The following VWA7 variants were observed in gnomAD, a reference collection of about 807,000 sequenced individuals.
VWA7 encodes von Willebrand factor A domain-containing protein 7.
In VWA7, 66 loss-of-function variants were observed where a neutral mutation model predicts 83.1. The ratio of observed to expected loss-of-function variants is 0.79; its 90% CI spans 0.65 to 0.98. VWA7 has a LOEUF of 0.98. Among genes scored for constraint, VWA7 ranks in the 50% least tolerant of loss-of-function variants. The pLI, the probability that VWA7 is intolerant of heterozygous loss-of-function variation, is 0.00. For synonymous variants in VWA7, 424 were observed against 488.5 expected (o/e 0.87, Z 1.74); for missense variants, 1,080 against 1,160.2 (o/e 0.93, Z 1.00).
chr6:31,776,567 A>AG lies in VWA7; in HGVS notation c.212dup (p.Leu72SerfsTer4). On this transcript the variant is annotated frameshift_variant, in exon 2 of 17. Coordinates refer to ENST00000375688, the MANE Select transcript of VWA7 (RefSeq NM_025258.3). LOFTEE classifies it high-confidence loss of function. The surrounding 1 kb of genome is among the most constrained non-coding windows in gnomAD (Gnocchi z 6.2). The stretch of plus-strand genomic sequence containing the variant: ...TCACCAGGAAGTCCTCAAGACGAAG[A>AG]GGGGGGCGGCCTGGGGGTGGCTGCT... The AG allele has an allele frequency of 1.9e-6, 3 of 1,547,612 alleles. No individual in the cohort carries two copies. The highest frequency in any genetic ancestry group is 1.7e-6 in the Non-Finnish European group (2 of 1,145,660).
chr6:31,776,745 C>A lies in VWA7; in HGVS notation c.35G>T (p.Gly12Val), dbSNP rs1184700767. 1 of 1,458,020 alleles carries A rather than the reference C, an allele frequency of 6.9e-7. No homozygotes were observed. The highest frequency in any genetic ancestry group is 1.4e-5 in the African/African-American group (1 of 69,878). 90.3% of individuals were successfully genotyped at this position (1,458,020 alleles called of 1,614,324 possible). The change falls in exon 2 of 17, where the codon GGC becomes GTC. Residue 12 changes from glycine (G) to valine (V), a missense_variant. Gly to Val is a moderately radical substitution (Grantham distance 109). Transcript: ENST00000375688. The surrounding 1 kb of genome is among the most constrained non-coding windows in gnomAD (Gnocchi z 6.2). The part of the protein sequence containing the change: ...LPTEVPQSHP[G>V]PSALLLLQLL... ...CTGCAGCAGAAGCAACGCTGAGGGG[C>A]CCGGGTGGGATTGGGGGACCTCCGT...
chr6:31,765,767 G>A lies in VWA7; in HGVS notation c.2503C>T (p.Arg835Trp), dbSNP rs28399997. 6.6e-3 allele frequency: 10,428 copies of A among 1,584,434 alleles called. 483 individuals carry two copies. The South Asian group carries it at 0.085, about 13-fold the overall frequency. The change falls in exon 17 of 17, where the codon CGG (arginine) becomes TGG (tryptophan). Residue 835 changes from arginine to tryptophan, a missense_variant. By Grantham distance (101) the Arg-to-Trp change is moderately radical (BLOSUM62 -3). Transcript: ENST00000375688. ...GATGAGCCGGTAGGGGTGGTGTGCC[G>A]GTCCTGTGGGGAAAAGGAAGAGAAT... ...LLVSAPAPQD[R>W]HTTPTGSSDP...
rs1304860985 is a variant in VWA7, at chr6:31,774,526, C to A, written c.711G>T (p.Pro237=). 3.1e-6 allele frequency: 5 copies of A among 1,612,676 alleles called. No individual in the cohort carries two copies. The highest frequency in any genetic ancestry group is 4.2e-6 in the Non-Finnish European group (5 of 1,179,892). ...LTSGYFGTHP[P]KPPGKCSHGG... Reference sequence around the variant, plus strand: ...TTTCTTGTCTGGTACCTGGAGGTTTCGGGGGATGAGTTCCAAAGTAGCCAG... The same window carrying A: ...TTTCTTGTCTGGTACCTGGAGGTTTAGGGGGATGAGTTCCAAAGTAGCCAG... Residue 237 remains proline, a synonymous_variant, in exon 5 of 17, where the codon CCG becomes CCT. Transcript: ENST00000375688.
At position 31,769,227 on chromosome 6, in the gene VWA7, G is replaced by A. The variant is rs754996658; in HGVS notation, c.1318-24C>T. On this transcript the variant is annotated intron_variant, in intron 9 of 16. Coordinates refer to ENST00000375688, the MANE Select transcript of VWA7 (RefSeq NM_025258.3). This position sits in a 1 kb window ranked among gnomAD's most constrained non-coding sequence, Gnocchi z 4.5. ...ACCTGTACCCAGAAGAGAGCTCAGT[G>A]ATTGGGGTGTCCAAGTGCCATCCAC... 5 of 1,603,404 alleles carry A rather than the reference G, an allele frequency of 3.1e-6. No homozygotes were observed. Among genetic ancestry groups the A allele is most frequent in the Non-Finnish European group, 4.3e-6 (5 of 1,174,936 alleles).
chr6:31,767,279 C>T (rs757819977), intron 12 of VWA7, 29 bp from the exon 13 acceptor site: 2 of 1,612,356 alleles, frequency 1.2e-6, no homozygotes. Flanking sequence ...AGTCAGAGCC[C>T]TTCCTGAAAG....
At position 31,769,607 on chromosome 6, in the gene VWA7, G is replaced by A; in HGVS notation, c.1317+68C>T. 7.0e-7 allele frequency: 1 copy of A among 1,423,476 alleles called. No homozygotes were observed. Among genetic ancestry groups the A allele is most frequent in the Non-Finnish European group, 9.9e-7 (1 of 1,011,488 alleles). The allele number at this position is 1,423,476 out of a possible 1,614,324, so 88.2% of individuals were successfully genotyped here. A position where few individuals can be genotyped will look rare whatever the true frequency, so the allele number is the denominator to read the frequency against. The stretch of plus-strand genomic sequence containing the variant: ...TAGTGTGGTGCAACCCTCGTTATGA[G>A]ATTGTCATCACAGGGTCTCTCACAT... On this transcript the variant is annotated intron_variant, in intron 9 of 16. Coordinates refer to ENST00000375688, the MANE Select transcript of VWA7 (RefSeq NM_025258.3). This position sits in a 1 kb window ranked among gnomAD's most constrained non-coding sequence, Gnocchi z 4.5.
At position 31,774,561 on chromosome 6, in the gene VWA7, G is replaced by C. The variant is rs568277700; in HGVS notation, c.676C>G (p.Leu226Val). The change falls in exon 5 of 17, where the codon CTC becomes GTC. Residue 226 changes from leucine to valine, a missense_variant. Leu to Val is a conservative substitution (Grantham distance 32). Transcript: ENST00000375688. ...GTTCCAAAGTAGCCAGAGGTGAGGA[G>C]TGTGAAGCCCAGCCAATTCCTGGGG... ...SCPRNWLGFT[L>V]LTSGYFGTHP... is the part of the protein sequence containing the mutation. 2 of 1,612,920 alleles carry C rather than the reference G, an allele frequency of 1.2e-6. No homozygotes were observed. The highest frequency in any genetic ancestry group is 2.7e-5 in the African/African-American group (2 of 75,018).
At chr6:31,767,553 T>G in intron 11 of VWA7, 39 bp from the exon 12 acceptor site, 1 of 1,599,636 alleles carries the variant, frequency 6.3e-7, no homozygotes, top group Non-Finnish European at 8.6e-7. Flanking sequence ...AAGCACTTGC[T>G]CTCCTTGAGT....
At position 31,766,387 on chromosome 6, in the gene VWA7, G is replaced by A; in HGVS notation, c.2185-3C>T. 1.3e-6 allele frequency: 2 copies of A among 1,594,362 alleles called. No individual in the cohort carries two copies. The highest frequency in any genetic ancestry group is 1.7e-6 in the Non-Finnish European group (2 of 1,171,178). ...AAGAAACCCGAGGGGCCACTAAGCT[G>A]CAGAGAAGGGTTCTTCAGGGAAGGG... On this transcript the variant is annotated splice_region_variant and splice_polypyrimidine_tract_variant and intron_variant, in intron 14 of 16. Transcript: ENST00000375688. The surrounding 1 kb of genome is among the most constrained non-coding windows in gnomAD (Gnocchi z 4.9).
intron 10 of VWA7, 147 bp downstream of exon 10, chr6:31,768,871 G>A: frequency 1.1e-6 from 1 of 903,890 alleles, no homozygotes; most frequent in East Asian, 2.8e-5. Flanking sequence ...GCTAGTCATG[G>A]ATCTAAGAGG....
chr6:31,765,596 A>G lies in VWA7; in HGVS notation c.2674T>C (p.Ter892ArgextTer?), dbSNP rs889753516. The G allele has an allele frequency of 1.2e-6, 2 of 1,610,424 alleles. No individual in the cohort carries two copies. The highest frequency in any genetic ancestry group is 2.7e-5 in the African/African-American group (2 of 74,854). Residue 892 changes from the stop codon to arginine (R), a stop_lost, in exon 17 of 17, where the codon TGA becomes CGA. Coordinates refer to ENST00000375688, the MANE Select transcript of VWA7 (RefSeq NM_025258.3). ...CCATCCCTTTAGAGCCCGTTGTGTC[A>G]CCAGGAGGCCAGGCCTAGCAGAAGC... ...VLLLLGLASW[*>R]
Position 31,767,225 on chromosome 6 carries a change from G to A in VWA7, c.1815C>T (p.Phe605=), listed in dbSNP as rs759255465. The part of the protein sequence containing the change: ...VQAQTSLDFL[F]HFGIPMEDGP... ...CATCCTCCATGGGGATCCCAAAGTG[G>A]AAGAGGAAGTCCAGGGAGGTCTGGG... Residue 605 remains phenylalanine (F), a synonymous_variant, in exon 13 of 17, where the codon TTC becomes TTT. Coordinates refer to ENST00000375688, the MANE Select transcript of VWA7 (RefSeq NM_025258.3). 6.2e-7 allele frequency: 1 copy of A among 1,607,240 alleles called. No individual in the cohort carries two copies. Among genetic ancestry groups the A allele is most frequent in the South Asian group, 1.1e-5 (1 of 89,884 alleles).
At chr6:31,765,792 T>C in intron 16 of VWA7, 22 bp from the exon 17 acceptor site, 1 of 1,585,208 alleles carries the variant, frequency 6.3e-7, no homozygotes, top group Non-Finnish European at 8.6e-7. Flanking sequence ...AGGAAGAGAA[T>C]GACAGGGTGT....
Position 31,766,313 on chromosome 6 carries a change from C to T in VWA7, c.2256G>A (p.Ser752=), listed in dbSNP as rs144453409. The T allele has an allele frequency of 9.3e-6, 15 of 1,611,618 alleles. No individual in the cohort carries two copies. Among genetic ancestry groups the T allele is most frequent in the African/African-American group, 1.3e-5 (1 of 74,880 alleles). ...TCCTAAGGTCAAGATCCTGAGGGCC[C>T]GAGAAGCTGGCGATGCGGAGACTGA... ...VPLSLRIASF[S]GPQDLDLRTF... Residue 752 remains serine, a synonymous_variant, in exon 15 of 17, where the codon TCG becomes TCA. Coordinates refer to ENST00000375688, the MANE Select transcript of VWA7 (RefSeq NM_025258.3). This position sits in a 1 kb window ranked among gnomAD's most constrained non-coding sequence, Gnocchi z 4.9.
In VWA7 at chr6:31,776,132, G is replaced by C; in HGVS notation, c.345C>G (p.Asp115Glu). 6.2e-7 allele frequency: 1 copy of C among 1,614,112 alleles called. No homozygotes were observed. Among genetic ancestry groups the C allele is most frequent in the Non-Finnish European group, 8.5e-7 (1 of 1,180,032 alleles). ...GGTCATTCCTGGAAGTTGGCAGGAA[G>C]TCCTGGGCTGCATTGGCACGAGACA... is the stretch of plus-strand genomic sequence containing the variant. ...GEVSRANAAQ[D>E]FLPTSRNDPD... Residue 115 changes from aspartate to glutamate, a missense_variant, in exon 3 of 17, where the codon GAC (aspartate) becomes GAG (glutamate). Coordinates refer to ENST00000375688, the MANE Select transcript of VWA7 (RefSeq NM_025258.3). This position sits in a 1 kb window ranked among gnomAD's most constrained non-coding sequence, Gnocchi z 6.2.
chr6:31,773,984 G>C lies in VWA7; in HGVS notation c.721+532C>G, dbSNP rs1812448940. Among the ~76,000 whole-genome samples the C allele has an allele frequency of 6.6e-6, 1 of 151,614 alleles. No homozygotes were observed. Among genetic ancestry groups the C allele is most frequent in the African/African-American group, 2.4e-5 (1 of 41,234 alleles). On this transcript the variant is annotated intron_variant, in intron 5 of 16. Transcript: ENST00000375688. The surrounding 1 kb of genome is among the most constrained non-coding windows in gnomAD (Gnocchi z 5.3). The stretch of plus-strand genomic sequence containing the variant: ...AGCCTGGCCAACATGATGAAACCCT[G>C]TCTCTACTAAAAGTACAAAATTAGC...
intron 7 of VWA7, chr6:31,771,262 T>A (rs1294208235): frequency 6.6e-6 from 1 of 152,178 alleles, no homozygotes; most frequent in Non-Finnish European, 1.5e-5. Flanking sequence ...GACTCAAATT[T>A]AGGCAACTCT....
At position 31,766,465 on chromosome 6, in the gene VWA7, C is replaced by T. The variant is rs1178351176; in HGVS notation, c.2182G>A (p.Glu728Lys). 27 of 1,592,120 alleles carry T rather than the reference C, an allele frequency of 1.7e-5. No individual in the cohort carries two copies. The highest frequency in any genetic ancestry group is 2.3e-5 in the Non-Finnish European group (27 of 1,168,482). The change falls in exon 14 of 17, where the codon GAG becomes AAG. Residue 728 changes from glutamate (E) to lysine (K), a missense_variant and splice_region_variant. By Grantham distance (56) the Glu-to-Lys change is moderately conservative. Transcript: ENST00000375688. This position sits in a 1 kb window ranked among gnomAD's most constrained non-coding sequence, Gnocchi z 4.9. ...CGCACTTTCCCCTGGCGTCTCACCT[C>T]CAGAAGGACAGGGACTACAGTGCTA... ...QPSTVVPVLL[E>K]LSGPSGFLAP...
Position 31,766,220 on chromosome 6 carries a change from G to A in VWA7, c.2324+25C>T. ...CATTGGCCGGGCAAGATGCCAGAGGGAGCTGGAGGGTTCATGAGCCTCACC... is the reference window on the plus strand; with the variant it reads ...CATTGGCCGGGCAAGATGCCAGAGGAAGCTGGAGGGTTCATGAGCCTCACC... On this transcript the variant is annotated intron_variant, in intron 15 of 16. Coordinates refer to ENST00000375688, the MANE Select transcript of VWA7 (RefSeq NM_025258.3). This position sits in a 1 kb window ranked among gnomAD's most constrained non-coding sequence, Gnocchi z 4.9. The A allele has an allele frequency of 6.2e-7, 1 of 1,610,766 alleles. No homozygotes were observed. Among genetic ancestry groups the A allele is most frequent in the Non-Finnish European group, 8.5e-7 (1 of 1,179,248 alleles).
Sources: gnomAD v4.1 joint callset for allele counts (sites outside exome capture counted in the v4.1 genomes callset) on GRCh38, gnomAD v4.1.1 for gene constraint, Gnocchi (gnomAD v3.1) non-coding constraint, MANE v1.5 for transcripts, NCBI Gene and HGNC (gene_info 2026-07-23, HGNC 2026-07-21) for gene names.